The following CACNA2D2 variants were observed in gnomAD, a reference collection of about 807,000 sequenced individuals.
CACNA2D2 encodes voltage-dependent calcium channel subunit alpha-2/delta-2.
CACNA2D2 carries 48 observed loss-of-function variants against 166.4 expected under a neutral mutation model. The ratio of observed to expected loss-of-function variants is 0.29; its 90% CI spans 0.23 to 0.37. The LOEUF (loss-of-function observed/expected upper bound fraction) is 0.37. CACNA2D2 is among the 10% of genes least tolerant of loss of function. The pLI is 1.00. For missense variants in CACNA2D2, 1,122 were observed against 1,433.0 expected, an observed-to-expected ratio of 0.78 and a Z score of 3.50; for synonymous variants, 561 against 573.7, an observed-to-expected ratio of 0.98 and a Z score of 0.32.
intron 1 of CACNA2D2, among the ~76,000 whole-genome samples, chr3:50,479,071 T>C (rs1389926049): frequency 1.3e-5 from 2 of 152,246 alleles, no homozygotes; most frequent in East Asian, 1.9e-4. Context: ...CATCATTTCA[T>C]CTAAAAAGGC....
chr3:50,387,689 C>A, intron 4 of CACNA2D2, 77 bp from the exon 5 acceptor site: 1 of 1,122,226 alleles, frequency 8.9e-7, no homozygotes. Context: ...CCAAGGCCTG[C>A]ATGGCACCCT....
In CACNA2D2 at chr3:50,374,819, G is replaced by A. The variant is rs200831326; in HGVS notation, c.1908-6C>T. 5.9e-5 allele frequency: 94 copies of A among 1,585,856 alleles called. No individual in the cohort carries two copies. Among genetic ancestry groups the A allele is most frequent in the Non-Finnish European group, 2.0e-5 (23 of 1,166,740 alleles). ...GTGGGAGCACCAGCCCCAGGCTGAG[G>A]GGGGAGAAGCTCGGGTCACGGCTGG... is the stretch of plus-strand genomic sequence containing the variant. On this transcript the variant is annotated splice_polypyrimidine_tract_variant and splice_region_variant and intron_variant, in intron 21 of 37. Coordinates refer to ENST00000424201, the MANE Select transcript of CACNA2D2 (RefSeq NM_006030.4).
At chr3:50,418,912 C>T (rs1317777086) in intron 3 of CACNA2D2, among the ~76,000 whole-genome samples, 2 of 152,184 alleles carry the variant, frequency 1.3e-5, no homozygotes, top group African/African-American at 4.8e-5. Flanking sequence ...GGGAGATATG[C>T]AACCATGGGG....
intron 13 of CACNA2D2, 52 bp downstream of exon 13, chr3:50,378,863 G>T: frequency 6.2e-7 from 1 of 1,606,444 alleles, no homozygotes; most frequent in South Asian, 1.1e-5. Flanking sequence ...ATACGCAATC[G>T]ACAAAAAGAA....
Position 50,367,800 on chromosome 3 carries a change from G to A in CACNA2D2, c.2234+12C>T. 6.2e-7 allele frequency: 1 copy of A among 1,613,112 alleles called. No individual in the cohort carries two copies. Among genetic ancestry groups the A allele is most frequent in the African/African-American group, 1.3e-5 (1 of 75,026 alleles). The stretch of plus-strand genomic sequence containing the variant: ...CCTAGCCTTCTGCCCCCACAGGCTG[G>A]GTGATGCCTACGTGTTGAGATCCTG... On this transcript the variant is annotated intron_variant, in intron 25 of 37. Coordinates refer to ENST00000424201, the MANE Select transcript of CACNA2D2 (RefSeq NM_006030.4). The surrounding 1 kb of genome is among the most constrained non-coding windows in gnomAD (Gnocchi z 6.5).
Position 50,430,438 on chromosome 3 carries a change from G to A in CACNA2D2, c.405+3875C>T, listed in dbSNP as rs776446948. On this transcript the variant is annotated intron_variant, in intron 3 of 37. Coordinates refer to ENST00000424201, the MANE Select transcript of CACNA2D2 (RefSeq NM_006030.4). ...GTGGTCTTTACAAGTTGACGCCCCT[G>A]GAGTTGTGAAACCAGAAGTGCTGGG... 1.4e-4 allele frequency among the ~76,000 whole-genome samples: 22 copies of A among 152,338 alleles called. No homozygotes were observed. The Middle Eastern group carries it at 0.01, about 71-fold the overall frequency.
chr3:50,483,205 G>C (rs1698127549), intron 1 of CACNA2D2, among the ~76,000 whole-genome samples: 1 of 152,170 alleles, frequency 6.6e-6, no homozygotes, highest in Non-Finnish European at 1.5e-5. Flanking sequence ...TCAGTTGAAG[G>C]GACCCTAGAA....
chr3:50,488,345 G>T (rs1559999327), intron 1 of CACNA2D2, among the ~76,000 whole-genome samples: 1 of 152,164 alleles, frequency 6.6e-6, no homozygotes, highest in Non-Finnish European at 1.5e-5. Flanking sequence ...CTTTAAGTGG[G>T]AGCTCAGTCT....
At chr3:50,385,146 C>T (rs981739023) in intron 5 of CACNA2D2, among the ~76,000 whole-genome samples, 1 of 152,046 alleles carries the variant, frequency 6.6e-6, no homozygotes, top group Non-Finnish European at 1.5e-5. Flanking sequence ...GATGCTGCAG[C>T]CGATGGGAGG....
At chr3:50,462,703 T>C (rs1054515283) in intron 2 of CACNA2D2, among the ~76,000 whole-genome samples, 2 of 151,980 alleles carry the variant, frequency 1.3e-5, no homozygotes, top group Non-Finnish European at 1.5e-5. Flanking sequence ...CATAAGTATG[T>C]CATTTAGAGA....
intron 1 of CACNA2D2, among the ~76,000 whole-genome samples, chr3:50,480,606 G>A (rs1048008439): frequency 6.6e-6 from 1 of 151,662 alleles, no homozygotes; most frequent in African/African-American, 2.4e-5. Flanking sequence ...AGAACCAAGA[G>A]GAGTTGGGGA....
chr3:50,502,604 C>T (rs1575797257), intron 1 of CACNA2D2, among the ~76,000 whole-genome samples: 1 of 152,344 alleles, frequency 6.6e-6, no homozygotes, highest in East Asian at 1.9e-4. Context: ...CCAACGCCTT[C>T]ACCTCCCAAC....
intron 6 of CACNA2D2, among the ~76,000 whole-genome samples, chr3:50,383,278 G>A (rs587712998): frequency 7.2e-5 from 11 of 152,236 alleles, no homozygotes; most frequent in African/African-American, 2.4e-4. Flanking sequence ...GGGCCTAGCT[G>A]ACCCCGAGAT....
chr3:50,377,456 G>A lies in CACNA2D2; in HGVS notation c.1626+11C>T. 1 of 1,609,612 alleles carries A rather than the reference G, an allele frequency of 6.2e-7. No homozygotes were observed. Among genetic ancestry groups the A allele is most frequent in the Non-Finnish European group, 8.5e-7 (1 of 1,177,026 alleles). On this transcript the variant is annotated intron_variant, in intron 17 of 37. Coordinates refer to ENST00000424201, the MANE Select transcript of CACNA2D2 (RefSeq NM_006030.4). Reference sequence around the variant, plus strand: ...GAGGCAGGGTACGCGGATGGGCAGGGGGATGCTCACCGTGTAGTTGGGGGT... The same window carrying A: ...GAGGCAGGGTACGCGGATGGGCAGGAGGATGCTCACCGTGTAGTTGGGGGT...
chr3:50,388,818 C>G (rs587664940), intron 4 of CACNA2D2, among the ~76,000 whole-genome samples: 1 of 152,348 alleles, frequency 6.6e-6, no homozygotes, highest in Non-Finnish European at 1.5e-5. Context: ...TGTCTCTCAC[C>G]AGGGGTCTAG....
chr3:50,426,515 T>C (rs1707815333), intron 3 of CACNA2D2, among the ~76,000 whole-genome samples: 1 of 152,198 alleles, frequency 6.6e-6, no homozygotes, highest in African/African-American at 2.4e-5. Context: ...GACACATGCC[T>C]GCAGTCAATC....
At chr3:50,468,482 A>T (rs959135958) in intron 2 of CACNA2D2, among the ~76,000 whole-genome samples, 1 of 148,198 alleles carries the variant, frequency 6.7e-6, no homozygotes, top group Admixed American at 6.8e-5. Context: ...CTGATCCCCA[A>T]GATGGAAGGA....
chr3:50,413,720 G>A (rs1379499934), intron 3 of CACNA2D2, among the ~76,000 whole-genome samples: 1 of 152,152 alleles, frequency 6.6e-6, no homozygotes. Context: ...GGTGACGCAC[G>A]CCTGTAATCC....
intron 2 of CACNA2D2, among the ~76,000 whole-genome samples, chr3:50,464,393 C>T (rs1358970201): frequency 6.6e-6 from 1 of 152,162 alleles, no homozygotes; most frequent in Non-Finnish European, 1.5e-5. Context: ...GAAAATCATG[C>T]AGGTGGGAGA....
Sources: allele counts gnomAD v4.1 joint callset (sites outside exome capture counted in the v4.1 genomes callset), GRCh38; gene constraint gnomAD v4.1.1; non-coding constraint Gnocchi (gnomAD v3.1); transcripts MANE v1.5; gene names NCBI Gene and HGNC (gene_info 2026-07-23, HGNC 2026-07-21).